Variants in PCGF6 observed in about 807,000 individuals in gnomAD.
PCGF6 encodes polycomb group ring finger 6, also known as polycomb group RING finger protein 6.
In PCGF6, 24 loss-of-function variants were observed where a neutral mutation model predicts 45.5. The ratio of observed to expected loss-of-function variants is 0.53; its 90% confidence interval spans 0.38 to 0.74. The LOEUF (loss-of-function observed/expected upper bound fraction) is 0.74, where lower values mean the gene tolerates loss of function less well. Among genes scored for constraint, PCGF6 ranks in the 30% least tolerant of loss-of-function variants. PCGF6 has a pLI of 0.00. For synonymous variants in PCGF6, 152 were observed against 162.1 expected, an observed-to-expected ratio of 0.94 and a Z score of 0.47; for missense variants, 356 against 443.2, an observed-to-expected ratio of 0.80 and a Z score of 1.77.
chr10:103,315,579 T>C (rs2133561020), intron 8 of PCGF6, among the ~76,000 whole-genome samples: 1 of 152,296 alleles, frequency 6.6e-6, no homozygotes, highest in South Asian at 2.1e-4. Flanking sequence ...CAGGATGGTC[T>C]AGATCTCCTG....
intron 9 of PCGF6, among the ~76,000 whole-genome samples, chr10:103,306,105 T>TC (rs1193075621): frequency 1.3e-5 from 2 of 151,416 alleles, no homozygotes; most frequent in African/African-American, 2.4e-5. Flanking sequence ...AATCCACCTT[T>TC]TTTTTTTTTT....
At chr10:103,326,923 T>C (rs528163236) in intron 7 of PCGF6, among the ~76,000 whole-genome samples, 1 of 152,266 alleles carries the variant, frequency 6.6e-6, no homozygotes, top group Non-Finnish European at 1.5e-5. Flanking sequence ...GAGTAAAATT[T>C]ATTCATTCAT....
At chr10:103,307,163 T>C (rs747081523) in intron 9 of PCGF6, among the ~76,000 whole-genome samples, 14 of 151,768 alleles carry the variant, frequency 9.2e-5, no homozygotes, top group Non-Finnish European at 1.2e-4. Flanking sequence ...AGGCCAGGTG[T>C]GGTGGCTCAT....
Position 103,302,972 on chromosome 10 carries a change from T to C in PCGF6, c.*933A>G, listed in dbSNP as rs1221657336. 1 of 152,590 alleles carries C rather than the reference T, an allele frequency of 6.6e-6. No homozygotes were observed. Among genetic ancestry groups the C allele is most frequent in the Admixed American group, 6.5e-5 (1 of 15,272 alleles). 9.5% of individuals were successfully genotyped at this position (152,590 alleles called of 1,614,324 possible). A position where few individuals can be genotyped will look rare whatever the true frequency, so the allele number is the denominator to read the frequency against. ...TTCAGAAAGCATCACAATGCTAATT[T>C]TAGGCAAATAATGTTTTAAAACTGA... is the stretch of plus-strand genomic sequence containing the variant. On this transcript the variant is annotated 3_prime_UTR_variant, in exon 10 of 10. Transcript: ENST00000369847.
chr10:103,348,355 G>C (rs1369767081), intron 3 of PCGF6: 1 of 115,046 alleles, frequency 8.7e-6, no homozygotes, highest in African/African-American at 3.4e-5. Flanking sequence ...TTTTTTTTTT[G>C]AGATACTCTC....
intron 3 of PCGF6, among the ~76,000 whole-genome samples, chr10:103,348,203 C>G (rs1226767594): frequency 6.6e-6 from 1 of 152,158 alleles, no homozygotes. Context: ...GATTAAAATT[C>G]TCAGGAAAAA....
intron 7 of PCGF6, among the ~76,000 whole-genome samples, chr10:103,329,779 T>G (rs944059720): frequency 1.3e-4 from 19 of 140,834 alleles, no homozygotes; most frequent in African/African-American, 4.8e-4. Context: ...GGCCAGTTTT[T>G]TTGTTGTTTG....
At chr10:103,314,561 A>G (rs1002776915) in intron 8 of PCGF6, among the ~76,000 whole-genome samples, 2 of 152,226 alleles carry the variant, frequency 1.3e-5, no homozygotes, top group Non-Finnish European at 2.9e-5. Context: ...TTTAATTAAG[A>G]AATTCATTTT....
At chr10:103,335,649 C>G (rs1004841474) in intron 6 of PCGF6, among the ~76,000 whole-genome samples, 8 of 151,562 alleles carry the variant, frequency 5.3e-5, no homozygotes, top group African/African-American at 1.9e-4. Flanking sequence ...GAGTGAGCCA[C>G]GGTGCCCAGC....
intron 8 of PCGF6, among the ~76,000 whole-genome samples, chr10:103,315,990 GTGTGTATATA>G (rs1425387944): frequency 5.3e-5 from 6 of 112,526 alleles, no homozygotes; most frequent in African/African-American, 6.5e-5. Flanking sequence ...GTGTGTGTGT[GTGTGTATATA>G]TATATATATA....
Position 103,327,659 on chromosome 10 carries a change from G to A in PCGF6, c.811-1027C>T, listed in dbSNP as rs538669655. ...AAGTTTTAAAATTTTCATAATAAAG[G>A]GAATTCTTTTTTTTTTCTTTTCTTT... On this transcript the variant is annotated intron_variant, in intron 7 of 9. Transcript: ENST00000369847. Among the ~76,000 whole-genome samples the A allele has an allele frequency of 1.1e-4, 17 of 151,720 alleles. No homozygotes were observed. The South Asian group carries it at 3.3e-3, about 30-fold the overall frequency.
intron 9 of PCGF6, among the ~76,000 whole-genome samples, chr10:103,312,939 C>A (rs376882943): frequency 1.3e-5 from 2 of 151,458 alleles, no homozygotes; most frequent in Non-Finnish European, 2.9e-5. Context: ...CCAGCCTGGG[C>A]GACAGAGCGA....
intron 6 of PCGF6, among the ~76,000 whole-genome samples, chr10:103,339,808 AAAACACACACACACACACACACACAC>A (rs1215427718): frequency 2.2e-4 from 17 of 78,018 alleles, no homozygotes; most frequent in South Asian, 1.1e-3. Flanking sequence ...TCTCAAAAAA[AAAACACACACACACACACACACACAC>A]ACACACACAC....
intron 9 of PCGF6, among the ~76,000 whole-genome samples, chr10:103,308,988 G>T (rs2093147233): frequency 6.6e-6 from 1 of 152,194 alleles, no homozygotes; most frequent in Non-Finnish European, 1.5e-5. Context: ...CTTTTGGAAT[G>T]AGAGTTATTT....
At chr10:103,312,110 A>G (rs1177828336) in intron 9 of PCGF6, among the ~76,000 whole-genome samples, 1 of 107,400 alleles carries the variant, frequency 9.3e-6, no homozygotes, top group Non-Finnish European at 1.9e-5. Context: ...AAAAAAAGTC[A>G]CGGTTGGGCA....
intron 6 of PCGF6, among the ~76,000 whole-genome samples, chr10:103,336,648 G>T (rs1035025936): frequency 6.6e-6 from 1 of 152,150 alleles, no homozygotes; most frequent in Non-Finnish European, 1.5e-5. Flanking sequence ...GCTGAGGTAG[G>T]TGGATCGCTT....
rs369499715 is a variant in PCGF6 at position 103,338,544 on chromosome 10, C to CAA, written c.783-4594_783-4593dup. On this transcript the variant is annotated intron_variant, in intron 6 of 9. Coordinates refer to ENST00000369847, the MANE Select transcript of PCGF6 (RefSeq NM_001011663.2). ...TGGGAAACAGAGCGAGACTCCATCT[C>CAA]AAAAAAAAAAAAAAAAGAAGACCAT... is the stretch of plus-strand genomic sequence containing the variant. 6.4e-3 allele frequency among the ~76,000 whole-genome samples: 690 copies of CAA among 107,438 alleles called. 21 individuals carry two copies. Among genetic ancestry groups the CAA allele is most frequent in the East Asian group, 0.046 (167 of 3,660 alleles). 70.5% of individuals were successfully genotyped at this position (107,438 alleles called of 152,430 possible).
intron 5 of PCGF6, 25 bp downstream of exon 5, chr10:103,347,213 C>T (rs2093302944): frequency 1.3e-6 from 2 of 1,536,156 alleles, no homozygotes; most frequent in African/African-American, 1.4e-5. Flanking sequence ...TCTGTAAGTA[C>T]ATTATAGTAT....
In PCGF6 at chr10:103,348,837, A is replaced by G. The variant is rs375024627; in HGVS notation, c.461-25T>C. The G allele has an allele frequency of 4.4e-6, 7 of 1,606,242 alleles. No individual in the cohort carries two copies. In the African/African-American group the frequency reaches 5.3e-5, roughly 12 times the overall value. ...ACTGTTGAAAAAGAATGTTGAAGTC[A>G]GGATGCTTTCAAGACATTTCAAAAA... On this transcript the variant is annotated intron_variant, in intron 2 of 9. Coordinates refer to ENST00000369847, the MANE Select transcript of PCGF6 (RefSeq NM_001011663.2).
Sources: gnomAD v4.1 joint callset for allele counts (sites outside exome capture counted in the v4.1 genomes callset) on GRCh38, gnomAD v4.1.1 for gene constraint, MANE v1.5 for transcripts, NCBI Gene and HGNC (gene_info 2026-07-23, HGNC 2026-07-21) for gene names.